DDX6: variants seen among roughly 807,000 people sequenced by gnomAD.
DDX6 encodes the protein DEAD-box helicase 6.
In DDX6, 7 loss-of-function variants were observed where a neutral mutation model predicts 60.6. That is an observed-to-expected ratio of 0.12 (90% CI 0.07 to 0.22). The LOEUF is 0.22. DDX6 is among the 10% of genes least tolerant of loss of function. The pLI, the probability that DDX6 is intolerant of heterozygous loss-of-function variation, is 1.00. For missense variants in DDX6, 270 were observed against 589.9 expected (o/e 0.46, Z 5.62); for synonymous variants, 207 against 201.0 (o/e 1.03, Z -0.25).
chr11:118,754,639 C>G (rs782662783), intron 13 of DDX6, 66 bp downstream of exon 13: 27 of 1,443,044 alleles, frequency 1.9e-5, no homozygotes, highest in Non-Finnish European at 2.2e-5. Flanking sequence ...CAAATTTCCC[C>G]CAGGAAAGAA....
intron 13 of DDX6, 184 bp downstream of exon 13, chr11:118,754,521 T>G: frequency 2.0e-6 from 1 of 496,448 alleles, no homozygotes; most frequent in South Asian, 3.7e-5. Context: ...AAGAACAACA[T>G]TTACAGATTC....
At chr11:118,790,895 C>A (rs1224620009) in intron 1 of DDX6, 2 of 152,764 alleles carry the variant, frequency 1.3e-5, no homozygotes, top group African/African-American at 4.8e-5. Context: ...ACCAACGAGG[C>A]CACTCCCGCT....
intron 12 of DDX6, 53 bp from the exon 13 acceptor site, chr11:118,754,940 G>C (rs1565559706): frequency 6.7e-7 from 1 of 1,485,194 alleles, no homozygotes; most frequent in Non-Finnish European, 9.0e-7. Context: ...AAATCAATGT[G>C]AATTGTGCAA....
chr11:118,775,234 T>C (rs1427779596), intron 4 of DDX6, among the ~76,000 whole-genome samples: 1 of 152,152 alleles, frequency 6.6e-6, no homozygotes, highest in Non-Finnish European at 1.5e-5. Flanking sequence ...GAGAATCGCT[T>C]GAACCCGGGA....
chr11:118,781,182 G>A lies in DDX6; in HGVS notation c.203C>T (p.Pro68Leu), dbSNP rs782016596. Residue 68 changes from proline (P) to leucine (L), a missense_variant and splice_region_variant, in exon 3 of 14, where the codon CCT (proline) becomes CTT (leucine). By Grantham distance (98) the Pro-to-Leu change is moderately conservative (BLOSUM62 -3). Coordinates refer to ENST00000534980, the MANE Select transcript of DDX6 (RefSeq NM_004397.6). ...TAAAGTCTTTTTCCAGTCATCACCAGGTCTAGAGAGAATACAGTAAACTTG... is the reference window on the plus strand; with the variant it reads ...TAAAGTCTTTTTCCAGTCATCACCAAGTCTAGAGAGAATACAGTAAACTTG... ...QAQSMTTTIK[P>L]GDDWKKTLKL... is the part of the protein sequence containing the mutation. The A allele has an allele frequency of 6.9e-6, 11 of 1,596,144 alleles. No individual in the cohort carries two copies. Among genetic ancestry groups the A allele is most frequent in the Non-Finnish European group, 9.4e-6 (11 of 1,167,662 alleles).
intron 10 of DDX6, among the ~76,000 whole-genome samples, chr11:118,756,836 T>C (rs1179374985): frequency 6.6e-6 from 1 of 151,972 alleles, no homozygotes. Flanking sequence ...CTGATTTAAA[T>C]TGCCACATGT....
Position 118,757,295 on chromosome 11 carries a change from CAG to C in DDX6, c.994-10_994-9del, listed in dbSNP as rs782328005. On this transcript the variant is annotated splice_polypyrimidine_tract_variant and intron_variant, in intron 9 of 13. Transcript: ENST00000534980. ...CGACTGGTTTATCTGAAGCTGAGCA[CAG>C]AAAAAAATAAGTATGAGAAAAATAA... is the stretch of plus-strand genomic sequence containing the variant. 9 of 1,459,702 alleles carry C rather than the reference CAG, an allele frequency of 6.2e-6. No homozygotes were observed. In the East Asian group the frequency reaches 9.8e-5, roughly 16 times the overall value. The allele number at this position is 1,459,702 out of a possible 1,614,324, so 90.4% of individuals were successfully genotyped here.
intron 7 of DDX6, among the ~76,000 whole-genome samples, chr11:118,762,021 T>C (rs983630946): frequency 6.6e-6 from 1 of 152,158 alleles, no homozygotes; most frequent in Admixed American, 6.5e-5. Flanking sequence ...ATGCCTGTAA[T>C]CCCAGCAATT....
At chr11:118,771,047 A>C (rs1210982253) in intron 4 of DDX6, among the ~76,000 whole-genome samples, 2 of 152,154 alleles carry the variant, frequency 1.3e-5, no homozygotes, top group Non-Finnish European at 2.9e-5. Flanking sequence ...TAAGTGAACC[A>C]TTATTTCCAG....
intron 6 of DDX6, 82 bp from the exon 7 acceptor site, chr11:118,763,388 G>A: frequency 9.6e-7 from 1 of 1,040,868 alleles, no homozygotes. Flanking sequence ...TTACAGTCCT[G>A]AGCTGCTTAA....
intron 5 of DDX6, among the ~76,000 whole-genome samples, chr11:118,767,242 A>G (rs1861384562): frequency 6.6e-6 from 1 of 152,212 alleles, no homozygotes; most frequent in African/African-American, 2.4e-5. Context: ...CTATTAGCTC[A>G]AAGTTTATTA....
intron 8 of DDX6, 95 bp downstream of exon 8, chr11:118,759,827 A>G: frequency 2.3e-6 from 3 of 1,312,552 alleles, no homozygotes; most frequent in East Asian, 5.2e-5. Flanking sequence ...TAATTAGCAT[A>G]AAGTATATTC....
chr11:118,773,605 A>G (rs1249751584), intron 4 of DDX6, among the ~76,000 whole-genome samples: 3 of 151,692 alleles, frequency 2.0e-5, no homozygotes, highest in Admixed American at 6.6e-5. Context: ...AAAACAACCT[A>G]TGGTTACTCC....
chr11:118,756,446 AGCT>A (rs1323867489), intron 10 of DDX6, 123 bp from the exon 11 acceptor site: 3 of 572,886 alleles, frequency 5.2e-6, no homozygotes, highest in Non-Finnish European at 8.8e-6. Flanking sequence ...CATGATATTA[AGCT>A]GCTTTCAAAA....
chr11:118,777,612 G>A (rs1555163844), intron 4 of DDX6, among the ~76,000 whole-genome samples: 5 of 152,026 alleles, frequency 3.3e-5, no homozygotes, highest in Non-Finnish European at 7.4e-5. Context: ...GAAAGGGGCC[G>A]GGTACGATGG....
intron 5 of DDX6, among the ~76,000 whole-genome samples, chr11:118,767,287 C>T (rs1246166434): frequency 1.3e-5 from 2 of 152,186 alleles, no homozygotes; most frequent in African/African-American, 4.8e-5. Flanking sequence ...ACATTTGAGT[C>T]AGATTCACTG....
chr11:118,748,673 T>C lies in DDX6; in HGVS notation c.*3432A>G, dbSNP rs1281654738. The C allele has an allele frequency of 6.6e-6, 1 of 152,106 alleles. No homozygotes were observed. Among genetic ancestry groups the C allele is most frequent in the Non-Finnish European group, 1.5e-5 (1 of 68,024 alleles). 9.4% of individuals were successfully genotyped at this position (152,106 alleles called of 1,614,324 possible). On this transcript the variant is annotated 3_prime_UTR_variant, in exon 14 of 14. Coordinates refer to ENST00000534980, the MANE Select transcript of DDX6 (RefSeq NM_004397.6). ...GCAGTTTCTGATGAGGTTATGAGCTTCCAAAGTGTTTCTAAATCCTTAGTG... is the reference window on the plus strand; with the variant it reads ...GCAGTTTCTGATGAGGTTATGAGCTCCCAAAGTGTTTCTAAATCCTTAGTG...
chr11:118,755,049 C>T (rs1860918773), intron 12 of DDX6, among the ~76,000 whole-genome samples, 162 bp from the exon 13 acceptor site: 1 of 152,088 alleles, frequency 6.6e-6, no homozygotes, highest in Non-Finnish European at 1.5e-5. Context: ...ACAGGTTTCC[C>T]TACAACTTCA....
At chr11:118,768,165 T>C (rs1018588211) in intron 5 of DDX6, 58 bp downstream of exon 5, 1 of 1,518,592 alleles carries the variant, frequency 6.6e-7, no homozygotes, top group Non-Finnish European at 9.0e-7. Context: ...CTTCTACACA[T>C]GGCTCCAAGG....
Sources: gnomAD v4.1 joint callset for allele counts (sites outside exome capture counted in the v4.1 genomes callset) on GRCh38, gnomAD v4.1.1 for gene constraint, MANE v1.5 for transcripts, NCBI Gene and HGNC (gene_info 2026-07-23, HGNC 2026-07-21) for gene names.